The following AKAP1 variants were observed in gnomAD, a reference collection of about 807,000 sequenced individuals.
AKAP1 encodes the protein A-kinase anchoring protein 1.
A neutral mutation model predicts 79.8 loss-of-function variants in AKAP1; 32 were observed. The ratio of observed to expected loss-of-function variants is 0.40; its 90% CI spans 0.30 to 0.54. The LOEUF is 0.54. Ranked by LOEUF, AKAP1 falls within the 20% of genes least tolerant of loss-of-function variation. The pLI is 0.47. For synonymous variants in AKAP1, 416 were observed against 466.7 expected, an observed-to-expected ratio of 0.89 and a Z score of 1.40; for missense variants, 961 against 1,138.9, an observed-to-expected ratio of 0.84 and a Z score of 2.25.
At chr17:57,091,100 C>G (rs1018355361) in intron 1 of AKAP1, among the ~76,000 whole-genome samples, 4 of 152,254 alleles carry the variant, frequency 2.6e-5, no homozygotes, top group African/African-American at 9.6e-5. Context: ...CTTCTGTACA[C>G]TCCTTCTTGC....
intron 1 of AKAP1, among the ~76,000 whole-genome samples, chr17:57,088,483 A>T (rs1042314685): frequency 6.6e-6 from 1 of 152,240 alleles, no homozygotes; most frequent in Admixed American, 6.5e-5. Context: ...GAGAACAGTG[A>T]GGGTGAAGCT....
intron 1 of AKAP1, among the ~76,000 whole-genome samples, chr17:57,089,332 T>C (rs1744870639): frequency 6.6e-6 from 1 of 152,212 alleles, no homozygotes; most frequent in Admixed American, 6.5e-5. Flanking sequence ...TAAGGTGTGC[T>C]ACTGTTCTAA....
chr17:57,116,167 G>A lies in AKAP1; in HGVS notation c.2338G>A (p.Val780Ile). Reference protein sequence around the residue: ...ADGAWWRAQVVASYEETNEVE... With the variant: ...ADGAWWRAQVIASYEETNEVE... ...CGGGGCCTGGTGGCGAGCCCAAGTG[G>A]TTGCCTCCTACGAGGAGACCAACGA... Residue 780 changes from valine to isoleucine, a missense_variant, in exon 7 of 11, where the codon GTT (valine) becomes ATT (isoleucine). Transcript: ENST00000337714. 3.7e-6 allele frequency: 6 copies of A among 1,614,136 alleles called. No homozygotes were observed. Among genetic ancestry groups the A allele is most frequent in the Non-Finnish European group, 5.1e-6 (6 of 1,180,032 alleles).
rs116339701 is a variant in AKAP1 at position 57,116,881 on chromosome 17, G to A, written c.2454G>A (p.Pro818=). The A allele has an allele frequency of 1.9e-3, 3,038 of 1,614,186 alleles. 46 individuals carry two copies. The African/African-American group carries it at 0.034, about 18-fold the overall frequency. The change falls in exon 8 of 11, where the codon CCG becomes CCA. Residue 818 remains proline (P), a synonymous_variant. Transcript: ENST00000337714. ...RQIRSDFVTL[P]FQGAEVLLDS... is the part of the protein sequence containing the mutation. ...CCAGGTCTGACTTTGTCACCCTGCC[G>A]TTTCAGGGAGCAGAAGTCCTTCTGG...
intron 1 of AKAP1, among the ~76,000 whole-genome samples, chr17:57,088,527 C>T (rs1179489377): frequency 2.0e-5 from 3 of 152,194 alleles, no homozygotes; most frequent in African/African-American, 7.2e-5. Flanking sequence ...GTGGCTGTCA[C>T]ACAAATTCAA....
intron 3 of AKAP1, 135 bp downstream of exon 3, chr17:57,110,293 C>A (rs11655661): frequency 1.6e-6 from 2 of 1,241,268 alleles, no homozygotes; most frequent in Non-Finnish European, 2.2e-6. Context: ...AGCCAAAGGC[C>A]GCAGGGAAAG....
chr17:57,099,187 T>C (rs781664308), intron 1 of AKAP1, among the ~76,000 whole-genome samples: 2 of 152,260 alleles, frequency 1.3e-5, no homozygotes, highest in African/African-American at 2.4e-5. Context: ...GTCTCTTGGC[T>C]CTGTTCTTGT....
chr17:57,100,790 C>T (rs796603257), intron 1 of AKAP1, among the ~76,000 whole-genome samples: 4 of 152,304 alleles, frequency 2.6e-5, no homozygotes, highest in African/African-American at 9.6e-5. Context: ...GCCACTTTCC[C>T]GTCTCAAACT....
chr17:57,115,616 A>T (rs1915534497), intron 6 of AKAP1, among the ~76,000 whole-genome samples: 2 of 152,156 alleles, frequency 1.3e-5, no homozygotes, highest in South Asian at 4.1e-4. Flanking sequence ...CAAAGGCTAG[A>T]AGAAGGGGGT....
In AKAP1 at chr17:57,114,525, T is replaced by C. The variant is rs1268819989; in HGVS notation, c.2170T>C (p.Phe724Leu). Residue 724 changes from phenylalanine (F) to leucine (L), a missense_variant, in exon 6 of 11, where the codon TTC (phenylalanine) becomes CTC (leucine). By Grantham distance (22) the Phe-to-Leu change is conservative. Transcript: ENST00000337714. ...CAACCAGGTCAATGCCGGGCACCTG[T>C]TCGTGCAGCAGCACACACACCCTAC... The part of the protein sequence containing the change: ...VVNQVNAGHL[F>L]VQQHTHPTFH... The C allele has an allele frequency of 6.2e-7, 1 of 1,614,092 alleles. No individual in the cohort carries two copies. The highest frequency in any genetic ancestry group is 8.5e-7 in the Non-Finnish European group (1 of 1,180,046).
In AKAP1 at chr17:57,086,956, CCTG is replaced by C. The variant is rs1913499800; in HGVS notation, c.-25+1562_-25+1564del. On this transcript the variant is annotated intron_variant, in intron 1 of 10. Coordinates refer to ENST00000337714, the MANE Select transcript of AKAP1 (RefSeq NM_003488.4). This position sits in a 1 kb window ranked among gnomAD's most constrained non-coding sequence, Gnocchi z 5.1. ...CTGATCTTGGCATTGAAGTGGTTCACCTGCTGATTATTTAAGACCCTGAGCACT... is the reference window on the plus strand; with the variant it reads ...CTGATCTTGGCATTGAAGTGGTTCACCTGATTATTTAAGACCCTGAGCACT... Among the ~76,000 whole-genome samples the C allele has an allele frequency of 6.6e-6, 1 of 152,162 alleles. No homozygotes were observed.
intron 1 of AKAP1, chr17:57,098,378 A>C (rs2144670834): frequency 6.6e-6 from 1 of 152,436 alleles, no homozygotes; most frequent in Non-Finnish European, 1.5e-5. Flanking sequence ...GTCTGCCCTT[A>C]GTCCTGGGCC....
At chr17:57,100,324 G>T (rs1285077073) in intron 1 of AKAP1, among the ~76,000 whole-genome samples, 1 of 152,092 alleles carries the variant, frequency 6.6e-6, no homozygotes, top group African/African-American at 2.4e-5. Flanking sequence ...GGTGGCTCAC[G>T]CCTATAATCC....
chr17:57,110,121 A>T lies in AKAP1; in HGVS notation c.1811A>T (p.Lys604Met). 6.2e-7 allele frequency: 1 copy of T among 1,614,110 alleles called. No homozygotes were observed. The highest frequency in any genetic ancestry group is 1.1e-5 in the South Asian group (1 of 91,072). The stretch of plus-strand genomic sequence containing the variant: ...GCCCAGGCAGGCTCCAACCCTAAGA[A>T]GGTCGACCTCATCATCTGGGAGATC... ...QNAQAGSNPKKVDLIIWEIEV... is the reference protein window; with the variant it reads ...QNAQAGSNPKMVDLIIWEIEV... The change falls in exon 3 of 11, where the codon AAG (lysine) becomes ATG (methionine). Residue 604 changes from lysine (K) to methionine (M), a missense_variant. Around this residue, in one of 3 missense-constraint regions of AKAP1, gnomAD observed 629 missense variants for 781.1 expected, o/e 0.81. Transcript: ENST00000337714.
Position 57,119,033 on chromosome 17 carries a change from G to A in AKAP1, c.2626G>A (p.Val876Ile), listed in dbSNP as rs1915762493. 6.2e-7 allele frequency: 1 copy of A among 1,613,690 alleles called. No individual in the cohort carries two copies. Among genetic ancestry groups the A allele is most frequent in the Non-Finnish European group, 8.5e-7 (1 of 1,179,718 alleles). Residue 876 changes from valine (V) to isoleucine (I), a missense_variant, in exon 10 of 11, where the codon GTT (valine) becomes ATT (isoleucine). Around this residue, in one of 3 missense-constraint regions of AKAP1, gnomAD observed 629 missense variants for 781.1 expected, o/e 0.81. Coordinates refer to ENST00000337714, the MANE Select transcript of AKAP1 (RefSeq NM_003488.4). ...GLPLIQLWSV[V>I]GDEVVLINRS... ...TCCTCTGATTCAGCTGTGGAGTGTG[G>A]TTGGAGATGAAGTAAGTTCTGCCCT...
rs1163224433 is a variant in AKAP1 at position 57,098,784 on chromosome 17, C to T, written c.-24-6657C>T. 2.0e-4 allele frequency among the ~76,000 whole-genome samples: 26 copies of T among 130,470 alleles called. No homozygotes were observed. The East Asian group carries it at 4.1e-3, about 21-fold the overall frequency. The allele number at this position is 130,470 out of a possible 152,430, so 85.6% of individuals were successfully genotyped here. ...GATTTTTTTTTTTTTTTTTTTGAGA[C>T]GGAGTCTCACTCTGTTGCCCAGGCT... On this transcript the variant is annotated intron_variant, in intron 1 of 10. Coordinates refer to ENST00000337714, the MANE Select transcript of AKAP1 (RefSeq NM_003488.4).
chr17:57,119,581 G>A (rs1915791899), intron 10 of AKAP1, among the ~76,000 whole-genome samples: 1 of 151,926 alleles, frequency 6.6e-6, no homozygotes, highest in Non-Finnish European at 1.5e-5. Flanking sequence ...TGGGTGTGGT[G>A]ATGCACACCT....
At chr17:57,103,137 C>T (rs990274888) in intron 1 of AKAP1, among the ~76,000 whole-genome samples, 5 of 152,156 alleles carry the variant, frequency 3.3e-5, no homozygotes, top group Admixed American at 1.3e-4. Flanking sequence ...AAATTTCTTC[C>T]CTGAGGAATT....
In AKAP1 at chr17:57,116,274, G is replaced by A. The variant is rs1427229279; in HGVS notation, c.2432+13G>A. On this transcript the variant is annotated intron_variant, in intron 7 of 10. Coordinates refer to ENST00000337714, the MANE Select transcript of AKAP1 (RefSeq NM_003488.4). ...TCCGGCAAATCAGGTGAGCGGAGAT[G>A]CCTCAGGCAGGCCTACGCCCTGCTT... The A allele has an allele frequency of 3.7e-6, 6 of 1,613,904 alleles. No individual in the cohort carries two copies. Among genetic ancestry groups the A allele is most frequent in the South Asian group, 1.1e-5 (1 of 91,074 alleles).
Sources: allele counts gnomAD v4.1 joint callset (sites outside exome capture counted in the v4.1 genomes callset), GRCh38; gene constraint gnomAD v4.1.1; regional missense constraint gnomAD v4.1.1; non-coding constraint Gnocchi (gnomAD v3.1); transcripts MANE v1.5; gene names NCBI Gene and HGNC (gene_info 2026-07-23, HGNC 2026-07-21).